PPP6R3: variants seen among roughly 807,000 people sequenced by gnomAD.
The protein encoded by PPP6R3 is protein phosphatase 6 regulatory subunit 3.
Under a neutral mutation model 110.7 loss-of-function variants are expected in PPP6R3, and 38 were observed. That is an observed-to-expected ratio of 0.34 (90% CI 0.26 to 0.45). The LOEUF is 0.45. Among genes scored for constraint, PPP6R3 ranks in the 20% least tolerant of loss-of-function variants. The pLI is 1.00. For synonymous variants in PPP6R3, 369 were observed against 373.5 expected (o/e 0.99, Z 0.14); for missense variants, 870 against 1,062.4 (o/e 0.82, Z 2.52).
intron 1 of PPP6R3, among the ~76,000 whole-genome samples, chr11:68,485,273 C>CTT (rs34482880): frequency 2.2e-4 from 19 of 84,724 alleles, no homozygotes; most frequent in South Asian, 3.6e-4. Flanking sequence ...AGTTCTGGGA[C>CTT]TTTTTTTTTT....
intron 1 of PPP6R3, among the ~76,000 whole-genome samples, chr11:68,470,491 G>A (rs183650346): frequency 1.2e-4 from 19 of 152,240 alleles, no homozygotes; most frequent in Admixed American, 1.1e-3. Context: ...GGGGGAGGGC[G>A]TAGGTCACAC....
chr11:68,609,730 C>A (rs965135252), intron 22 of PPP6R3, 174 bp from the exon 23 acceptor site: 1 of 1,555,524 alleles, frequency 6.4e-7, no homozygotes, highest in Non-Finnish European at 8.9e-7. Flanking sequence ...TTTTGTGATT[C>A]CCCAGTCACT....
At chr11:68,482,059 C>T (rs1413992280) in intron 1 of PPP6R3, among the ~76,000 whole-genome samples, 1 of 151,886 alleles carries the variant, frequency 6.6e-6, no homozygotes, top group African/African-American at 2.4e-5. Flanking sequence ...GCTCCAGTTT[C>T]TTCACATGTA....
intron 19 of PPP6R3, 63 bp from the exon 20 acceptor site, chr11:68,600,278 A>G (rs1018356217): frequency 1.4e-5 from 22 of 1,529,774 alleles, no homozygotes; most frequent in Non-Finnish European, 1.9e-5. Context: ...TTTTTGATAA[A>G]TACCTTGTGG....
chr11:68,576,868 A>G (rs2099533694), intron 14 of PPP6R3, among the ~76,000 whole-genome samples: 1 of 152,224 alleles, frequency 6.6e-6, no homozygotes, highest in African/African-American at 2.4e-5. Flanking sequence ...ATGATCTGGC[A>G]GCCTGAAGCA....
intron 1 of PPP6R3, among the ~76,000 whole-genome samples, chr11:68,476,451 TGGGGAGA>T (rs1320628864): frequency 5.4e-4 from 3 of 5,580 alleles, no homozygotes; most frequent in African/African-American, 3.0e-3. Context: ...AGGGAGACCG[TGGGGAGA>T]GGGGGGAGGG....
chr11:68,610,033 C>A lies in PPP6R3; in HGVS notation c.2570+10C>A, dbSNP rs201290416. 1 of 1,612,712 alleles carries A rather than the reference C, an allele frequency of 6.2e-7. No individual in the cohort carries two copies. Among genetic ancestry groups the A allele is most frequent in the African/African-American group, 1.3e-5 (1 of 75,034 alleles). ...GCAGTCCCGAGCAGAGGTAACCACC[C>A]GCCTCCTCAAACCCACCCAGGCCCT... On this transcript the variant is annotated intron_variant, in intron 23 of 23. Coordinates refer to ENST00000393800, the MANE Select transcript of PPP6R3 (RefSeq NM_001164161.2).
At chr11:68,581,725 C>T (rs1673795658) in intron 14 of PPP6R3, among the ~76,000 whole-genome samples, 1 of 152,226 alleles carries the variant, frequency 6.6e-6, no homozygotes, top group East Asian at 1.9e-4. Context: ...TCCCCATGCC[C>T]ACATCTTTAC....
chr11:68,536,659 G>A (rs2099272649), intron 2 of PPP6R3, among the ~76,000 whole-genome samples: 1 of 152,150 alleles, frequency 6.6e-6, no homozygotes, highest in Admixed American at 6.5e-5. Flanking sequence ...AATAGCATGT[G>A]GATATTCATG....
At chr11:68,473,094 T>C (rs1478837583) in intron 1 of PPP6R3, among the ~76,000 whole-genome samples, 1 of 152,216 alleles carries the variant, frequency 6.6e-6, no homozygotes, top group East Asian at 1.9e-4. Context: ...TCCAAAATGA[T>C]AAGTGTCTTT....
intron 18 of PPP6R3, among the ~76,000 whole-genome samples, chr11:68,592,030 G>T (rs1222313422): frequency 6.6e-6 from 1 of 152,216 alleles, no homozygotes; most frequent in East Asian, 1.9e-4. Flanking sequence ...TACAACAGCA[G>T]TTATGTGTTG....
chr11:68,495,829 A>G (rs919110833), intron 1 of PPP6R3, among the ~76,000 whole-genome samples: 1 of 152,334 alleles, frequency 6.6e-6, no homozygotes. Context: ...GTATGTTTCA[A>G]TTCTCTTGGA....
At chr11:68,580,584 C>A (rs982342733) in intron 14 of PPP6R3, among the ~76,000 whole-genome samples, 1 of 151,888 alleles carries the variant, frequency 6.6e-6, no homozygotes, top group South Asian at 2.1e-4. Context: ...ACAAGATGAC[C>A]GAGGTTTCTA....
chr11:68,604,950 AC>A (rs1271624625), intron 22 of PPP6R3, among the ~76,000 whole-genome samples: 4 of 152,228 alleles, frequency 2.6e-5, no homozygotes, highest in Non-Finnish European at 5.9e-5. Context: ...AAATTGAGAA[AC>A]TGATTGTAAT....
intron 12 of PPP6R3, among the ~76,000 whole-genome samples, chr11:68,571,722 A>G (rs1373630161): frequency 1.3e-5 from 2 of 152,176 alleles, no homozygotes; most frequent in Non-Finnish European, 2.9e-5. Context: ...GCATGGTGGC[A>G]TAAGGGCGTG....
intron 7 of PPP6R3, chr11:68,558,175 T>C (rs1159865210): frequency 6.5e-6 from 1 of 153,818 alleles, no homozygotes; most frequent in Non-Finnish European, 1.4e-5. Flanking sequence ...TTCCCTTCTT[T>C]AGTGAGGGTG....
At chr11:68,486,332 G>A (rs2098946992) in intron 1 of PPP6R3, among the ~76,000 whole-genome samples, 4 of 151,704 alleles carry the variant, frequency 2.6e-5, no homozygotes, top group South Asian at 2.1e-4. Flanking sequence ...ACTGCCGGGT[G>A]CAGTGGCTCA....
chr11:68,589,224 A>G (rs2099588245), intron 16 of PPP6R3, among the ~76,000 whole-genome samples: 1 of 151,750 alleles, frequency 6.6e-6, no homozygotes, highest in South Asian at 2.1e-4. Flanking sequence ...TAACAATAAC[A>G]ATAATAATAA....
At chr11:68,541,713 G>A (rs961789441) in intron 3 of PPP6R3, among the ~76,000 whole-genome samples, 1 of 152,156 alleles carries the variant, frequency 6.6e-6, no homozygotes, top group African/African-American at 2.4e-5. Context: ...TGAAACTGGA[G>A]ATGGGTAGTG....
Sources: allele counts gnomAD v4.1 joint callset (sites outside exome capture counted in the v4.1 genomes callset), GRCh38; gene constraint gnomAD v4.1.1; transcripts MANE v1.5; gene names NCBI Gene and HGNC (gene_info 2026-07-23, HGNC 2026-07-21).